The following ABHD17C variants were observed in gnomAD, a reference collection of about 807,000 sequenced individuals.
ABHD17C encodes alpha/beta hydrolase domain-containing protein 17C.
A neutral mutation model predicts 27.9 loss-of-function variants in ABHD17C; 11 were observed. That is an observed-to-expected ratio of 0.39 (90% CI 0.25 to 0.65). The LOEUF (loss-of-function observed/expected upper bound fraction) is 0.65, where lower values mean the gene tolerates loss of function less well. ABHD17C is among the 30% of genes least tolerant of loss of function. The pLI, the probability that ABHD17C is intolerant of heterozygous loss-of-function variation, is 0.45. For missense variants in ABHD17C, 280 were observed against 470.2 expected (o/e 0.60, Z 3.74); for synonymous variants, 233 against 209.1 (o/e 1.11, Z -0.98).
intron 1 of ABHD17C, among the ~76,000 whole-genome samples, chr15:80,712,956 C>T (rs1255307723): frequency 1.3e-5 from 2 of 152,078 alleles, no homozygotes. Flanking sequence ...ATACAATGTA[C>T]AGAAAATATT....
At chr15:80,737,511 C>T (rs1895148007) in intron 1 of ABHD17C, among the ~76,000 whole-genome samples, 1 of 152,196 alleles carries the variant, frequency 6.6e-6, no homozygotes, top group East Asian at 1.9e-4. Context: ...TCACTGATCC[C>T]TGAGCCTGGA....
chr15:80,700,741 A>G (rs1483745167), intron 1 of ABHD17C, among the ~76,000 whole-genome samples: 1 of 151,942 alleles, frequency 6.6e-6, no homozygotes, highest in Non-Finnish European at 1.5e-5. Context: ...CTCTACAAAA[A>G]ATTTTTAAAA....
intron 1 of ABHD17C, among the ~76,000 whole-genome samples, chr15:80,738,039 A>G (rs1895157789): frequency 6.6e-6 from 1 of 151,866 alleles, no homozygotes; most frequent in Admixed American, 6.6e-5. Context: ...CATGAGTGGG[A>G]CAGTTTATAT....
rs1334074136 is a variant in ABHD17C at position 80,724,870 on chromosome 15, G to A, written c.591-24643G>A. On this transcript the variant is annotated intron_variant, in intron 1 of 2. Coordinates refer to ENST00000258884, the MANE Select transcript of ABHD17C (RefSeq NM_021214.2). ...CTTTCTTGGAATCTTTTTATTGGTGGTGGGTTTCAGTGGAGGAGAACAGAG... is the reference window on the plus strand; with the variant it reads ...CTTTCTTGGAATCTTTTTATTGGTGATGGGTTTCAGTGGAGGAGAACAGAG... 5.9e-5 allele frequency among the ~76,000 whole-genome samples: 9 copies of A among 152,142 alleles called. No homozygotes were observed. The East Asian group carries it at 1.5e-3, about 26-fold the overall frequency.
chr15:80,708,462 T>C (rs1234520644), intron 1 of ABHD17C, among the ~76,000 whole-genome samples: 1 of 152,190 alleles, frequency 6.6e-6, no homozygotes, highest in Non-Finnish European at 1.5e-5. Context: ...ATCACAGGCA[T>C]GTGCCACCAC....
chr15:80,737,235 A>C (rs1305094068), intron 1 of ABHD17C, among the ~76,000 whole-genome samples: 1 of 152,170 alleles, frequency 6.6e-6, no homozygotes, highest in Non-Finnish European at 1.5e-5. Context: ...AAATTGGGAG[A>C]CTTTAATTTC....
intron 1 of ABHD17C, among the ~76,000 whole-genome samples, chr15:80,715,840 G>T (rs1057246212): frequency 7.2e-5 from 11 of 151,930 alleles, no homozygotes; most frequent in Admixed American, 6.6e-4. Flanking sequence ...TTTGTCATTC[G>T]CTTTGTAATG....
intron 1 of ABHD17C, among the ~76,000 whole-genome samples, chr15:80,733,542 G>C (rs1489615020): frequency 1.3e-5 from 2 of 152,146 alleles, no homozygotes; most frequent in African/African-American, 4.8e-5. Flanking sequence ...TCAAGGACTG[G>C]GAGGCAGAGG....
intron 1 of ABHD17C, among the ~76,000 whole-genome samples, chr15:80,734,110 G>C (rs963212364): frequency 6.6e-6 from 1 of 151,630 alleles, no homozygotes; most frequent in Non-Finnish European, 1.5e-5. Context: ...TCAACCTCCC[G>C]AGTAGCTGGG....
At chr15:80,754,075 A>G in intron 2 of ABHD17C, 76 bp from the exon 3 acceptor site, 3 of 1,154,564 alleles carry the variant, frequency 2.6e-6, no homozygotes, top group Non-Finnish European at 2.6e-6. Context: ...TTAACTTATC[A>G]TTAAATGTGA....
At chr15:80,753,578 G>A (rs1328248829) in intron 2 of ABHD17C, among the ~76,000 whole-genome samples, 1 of 151,934 alleles carries the variant, frequency 6.6e-6, no homozygotes, top group Non-Finnish European at 1.5e-5. Flanking sequence ...GTCTCACTCT[G>A]TTGCCCAGGC....
chr15:80,706,933 CTA>C (rs1442285452), intron 1 of ABHD17C, among the ~76,000 whole-genome samples: 1 of 152,162 alleles, frequency 6.6e-6, no homozygotes, highest in Non-Finnish European at 1.5e-5. Context: ...TTTAATGTAA[CTA>C]TTAGGAAAGG....
chr15:80,708,536 C>T (rs910412600), intron 1 of ABHD17C, among the ~76,000 whole-genome samples: 1 of 152,180 alleles, frequency 6.6e-6, no homozygotes, highest in Non-Finnish European at 1.5e-5. Context: ...AGACTGGTCT[C>T]GAACTCCTAA....
chr15:80,720,388 T>G (rs1004309453), intron 1 of ABHD17C, among the ~76,000 whole-genome samples: 5 of 151,998 alleles, frequency 3.3e-5, no homozygotes, highest in African/African-American at 1.2e-4. Context: ...GGAATGGAAA[T>G]GTAGGAGGTA....
intron 1 of ABHD17C, among the ~76,000 whole-genome samples, chr15:80,742,158 A>T (rs1324109544): frequency 6.6e-6 from 1 of 151,972 alleles, no homozygotes; most frequent in Non-Finnish European, 1.5e-5. Flanking sequence ...ATAAGAGGAG[A>T]TTTTTTTTAT....
chr15:80,702,762 A>C (rs755957172), intron 1 of ABHD17C: 2 of 152,246 alleles, frequency 1.3e-5, no homozygotes, highest in African/African-American at 2.4e-5. Flanking sequence ...TACTTTAAGA[A>C]GCCTGTGTAC....
Position 80,754,237 on chromosome 15 carries a change from C to T in ABHD17C, c.857C>T (p.Ala286Val). 3 of 1,613,910 alleles carry T rather than the reference C, an allele frequency of 1.9e-6. No individual in the cohort carries two copies. The highest frequency in any genetic ancestry group is 2.5e-6 in the Non-Finnish European group (3 of 1,179,870). Residue 286 changes from alanine (A) to valine (V), a missense_variant, in exon 3 of 3, where the codon GCG becomes GTG. This residue lies in a region of ABHD17C where 206 missense variants were observed against 394.7 expected (regional missense o/e 0.52). Coordinates refer to ENST00000258884, the MANE Select transcript of ABHD17C (RefSeq NM_021214.2). ...GTCATCGATTTCTCCCATGGCCTAG[C>T]GATGTACGAGCGCTGTCCCCGAGCC... ...DEVIDFSHGL[A>V]MYERCPRAVE...
At chr15:80,728,840 C>T (rs1380216572) in intron 1 of ABHD17C, among the ~76,000 whole-genome samples, 1 of 152,116 alleles carries the variant, frequency 6.6e-6, no homozygotes, top group Non-Finnish European at 1.5e-5. Flanking sequence ...CGAACTCCTT[C>T]GTTCAAGGGA....
intron 1 of ABHD17C, among the ~76,000 whole-genome samples, chr15:80,698,290 T>C (rs887222500): frequency 1.3e-5 from 2 of 152,108 alleles, no homozygotes; most frequent in Non-Finnish European, 2.9e-5. Context: ...GGTCTCGACC[T>C]CCTGACCTCA....
Sources: gnomAD v4.1 joint callset for allele counts (sites outside exome capture counted in the v4.1 genomes callset) on GRCh38, gnomAD v4.1.1 for gene constraint, gnomAD v4.1.1 regional missense constraint, MANE v1.5 for transcripts, NCBI Gene and HGNC (gene_info 2026-07-23, HGNC 2026-07-21) for gene names.